TBC1D22A: variants seen among roughly 807,000 people sequenced by gnomAD.
The protein encoded by TBC1D22A is TBC1 domain family member 22A.
In TBC1D22A, 38 loss-of-function variants were observed where a neutral mutation model predicts 60.2. The ratio of observed to expected loss-of-function variants is 0.63; its 90% CI spans 0.49 to 0.83. The LOEUF (loss-of-function observed/expected upper bound fraction) is 0.83. Ranked by LOEUF, TBC1D22A falls within the 40% of genes least tolerant of loss-of-function variation. The pLI is 0.00. For synonymous variants in TBC1D22A, 302 were observed against 281.7 expected (o/e 1.07, Z -0.72); for missense variants, 628 against 701.0 (o/e 0.90, Z 1.18).
intron 8 of TBC1D22A, among the ~76,000 whole-genome samples, chr22:46,972,180 A>T (rs1384477490): frequency 6.6e-6 from 1 of 152,186 alleles, no homozygotes; most frequent in Non-Finnish European, 1.5e-5. Context: ...TCCCAGGAGG[A>T]ACCCATCCAT....
At chr22:46,923,516 G>A (rs1028986676) in intron 8 of TBC1D22A, among the ~76,000 whole-genome samples, 4 of 152,238 alleles carry the variant, frequency 2.6e-5, no homozygotes, top group East Asian at 1.9e-4. Context: ...GGGTCGCAGT[G>A]TCTAGGTCTG....
chr22:46,830,947 G>A (rs766215773), intron 4 of TBC1D22A, among the ~76,000 whole-genome samples: 4 of 152,130 alleles, frequency 2.6e-5, no homozygotes, highest in Admixed American at 6.5e-5. Context: ...GGAAGATGGA[G>A]TCAGAGAATC....
At chr22:46,774,643 G>A (rs1275365920) in intron 1 of TBC1D22A, among the ~76,000 whole-genome samples, 1 of 152,254 alleles carries the variant, frequency 6.6e-6, no homozygotes, top group Non-Finnish European at 1.5e-5. Context: ...ACGGCCTGCA[G>A]TGGGGAAGGT....
chr22:47,021,778 C>T (rs1370826733), intron 10 of TBC1D22A, among the ~76,000 whole-genome samples: 1 of 152,242 alleles, frequency 6.6e-6, no homozygotes, highest in Non-Finnish European at 1.5e-5. Context: ...ATAAAATGAA[C>T]AAAGGACAAA....
intron 1 of TBC1D22A, among the ~76,000 whole-genome samples, chr22:46,781,372 C>T (rs1267965514): frequency 6.6e-6 from 1 of 152,116 alleles, no homozygotes; most frequent in Admixed American, 6.6e-5. Context: ...GACGGGGTTT[C>T]ACCATGTTGC....
intron 5 of TBC1D22A, among the ~76,000 whole-genome samples, chr22:46,885,495 G>A (rs1268362044): frequency 6.6e-6 from 1 of 152,214 alleles, no homozygotes; most frequent in Non-Finnish European, 1.5e-5. Flanking sequence ...TCACCTGCGG[G>A]TATGGCAATT....
intron 8 of TBC1D22A, among the ~76,000 whole-genome samples, chr22:46,948,048 T>A (rs913304190): frequency 2.0e-5 from 3 of 152,188 alleles, no homozygotes; most frequent in Non-Finnish European, 2.9e-5. Flanking sequence ...CTGAGCTACG[T>A]TGGGTTGTCT....
At chr22:47,120,477 T>C (rs901399743) in intron 12 of TBC1D22A, among the ~76,000 whole-genome samples, 1 of 152,228 alleles carries the variant, frequency 6.6e-6, no homozygotes, top group African/African-American at 2.4e-5. Context: ...GTTCATGGGC[T>C]CTTGAGAAGA....
At chr22:46,888,457 A>G (rs1192817465) in intron 5 of TBC1D22A, among the ~76,000 whole-genome samples, 1 of 140,676 alleles carries the variant, frequency 7.1e-6, no homozygotes, top group Non-Finnish European at 1.6e-5. Context: ...ACTCGTTCAT[A>G]TGTGATTCAC....
intron 8 of TBC1D22A, among the ~76,000 whole-genome samples, chr22:46,942,004 C>CATACATATATATATATATATATT (rs1160463521): frequency 7.4e-6 from 1 of 135,414 alleles, no homozygotes; most frequent in Non-Finnish European, 1.6e-5. Context: ...GGGGCACCAG[C>CATACATATATATATATATATATT]ATACATATAT....
chr22:46,955,930 C>G (rs556378631), intron 8 of TBC1D22A, among the ~76,000 whole-genome samples: 1 of 152,284 alleles, frequency 6.6e-6, no homozygotes, highest in East Asian at 1.9e-4. Context: ...TGAGTTGAGG[C>G]TTGAACCAGC....
At chr22:46,862,500 G>T (rs1183737623) in intron 4 of TBC1D22A, among the ~76,000 whole-genome samples, 1 of 152,218 alleles carries the variant, frequency 6.6e-6, no homozygotes, top group East Asian at 1.9e-4. Context: ...TCCAGAGCCT[G>T]CAACCTTGGT....
chr22:46,812,116 C>A (rs892134361), intron 4 of TBC1D22A, among the ~76,000 whole-genome samples: 6 of 152,210 alleles, frequency 3.9e-5, no homozygotes, highest in Non-Finnish European at 7.4e-5. Flanking sequence ...GTTAATCGGG[C>A]TTCTGGTGCT....
At chr22:46,969,207 A>G (rs1040407064) in intron 8 of TBC1D22A, among the ~76,000 whole-genome samples, 1 of 152,164 alleles carries the variant, frequency 6.6e-6, no homozygotes, top group Admixed American at 6.5e-5. Flanking sequence ...AAGTGGCTTA[A>G]ACATTGTTTT....
intron 11 of TBC1D22A, among the ~76,000 whole-genome samples, chr22:47,108,566 C>G (rs2065725483): frequency 6.6e-6 from 1 of 152,220 alleles, no homozygotes; most frequent in South Asian, 2.1e-4. Flanking sequence ...GGAGGATTTA[C>G]AAATGGGCAC....
At chr22:46,982,115 A>T (rs948950847) in intron 9 of TBC1D22A, among the ~76,000 whole-genome samples, 1 of 151,850 alleles carries the variant, frequency 6.6e-6, no homozygotes, top group Admixed American at 6.6e-5. Context: ...AGCTGGGTTG[A>T]TGTTTGACAG....
intron 10 of TBC1D22A, among the ~76,000 whole-genome samples, chr22:47,036,293 G>C (rs1382976984): frequency 6.6e-6 from 1 of 152,220 alleles, no homozygotes; most frequent in East Asian, 1.9e-4. Context: ...CTCATGGGCA[G>C]AATGTTGGAA....
At chr22:46,794,177 G>A (rs964862168) in intron 3 of TBC1D22A, among the ~76,000 whole-genome samples, 8 of 152,206 alleles carry the variant, frequency 5.3e-5, no homozygotes, top group South Asian at 2.1e-4. Flanking sequence ...GGGAGCAAGC[G>A]CCTGGGGACA....
chr22:47,052,712 C>T (rs2063265595), intron 11 of TBC1D22A, among the ~76,000 whole-genome samples: 1 of 152,216 alleles, frequency 6.6e-6, no homozygotes, highest in South Asian at 2.1e-4. Flanking sequence ...CGGCCACACA[C>T]AGCACTGCTC....
Sources: gnomAD v4.1 joint callset for allele counts (sites outside exome capture counted in the v4.1 genomes callset) on GRCh38, gnomAD v4.1.1 for gene constraint, MANE v1.5 for transcripts, NCBI Gene and HGNC (gene_info 2026-07-23, HGNC 2026-07-21) for gene names.